The following OR51C1 variants were observed in gnomAD, a reference collection of about 807,000 sequenced individuals.
OR51C1 encodes the protein olfactory receptor OR51C1.
the OR51C1 span, among the ~76,000 whole-genome samples, chr11:4,693,098 A>G: frequency 6.6e-6 from 1 of 152,200 alleles, no homozygotes; most frequent in Non-Finnish European, 1.5e-5. Flanking sequence ...AAAAGAGAGA[A>G]TTTTAAATGT....
chr11:4,690,987 G>T, the OR51C1 span: 8 of 454,790 alleles, frequency 1.8e-5, no homozygotes, highest in South Asian at 1.1e-4. Context: ...TGTACTGAAG[G>T]TTTCCTTCCT....
At chr11:4,692,121 A>G in the OR51C1 span, 1 of 447,854 alleles carries the variant, frequency 2.2e-6, no homozygotes, top group African/African-American at 2.0e-5. Flanking sequence ...GGCACCAGAG[A>G]AAAATACACT....
the OR51C1 span, among the ~76,000 whole-genome samples, chr11:4,691,920 C>T: frequency 6.6e-6 from 1 of 152,094 alleles, no homozygotes; most frequent in East Asian, 1.9e-4. Flanking sequence ...CCTTAGTGTA[C>T]AATCTTTCTT....
chr11:4,693,440 G>C, the OR51C1 span, among the ~76,000 whole-genome samples: 6 of 152,180 alleles, frequency 3.9e-5, no homozygotes, highest in African/African-American at 1.4e-4. Context: ...GTGTTGAGCA[G>C]GCTGGGCGCG....
the OR51C1 span, among the ~76,000 whole-genome samples, chr11:4,695,403 A>G: frequency 6.6e-6 from 1 of 152,190 alleles, no homozygotes; most frequent in African/African-American, 2.4e-5. Context: ...AGATATTTCC[A>G]AACAATTCAT....
the OR51C1 span, among the ~76,000 whole-genome samples, chr11:4,692,836 C>T: frequency 1.5e-5 from 2 of 136,692 alleles, no homozygotes; most frequent in East Asian, 2.2e-4. Flanking sequence ...CAAGGATCAC[C>T]GGAAGAAGTC....
the OR51C1 span, chr11:4,691,230 A>G: frequency 2.2e-6 from 1 of 456,904 alleles, no homozygotes; most frequent in African/African-American, 2.0e-5. Context: ...CATTGGTGTC[A>G]GCATTAGGAG....
At chr11:4,692,269 G>A in the OR51C1 span, 39 of 356,476 alleles carry the variant, frequency 1.1e-4, no homozygotes, top group South Asian at 8.1e-4. Context: ...ACAAATAAAT[G>A]GCTTCAGCAT....
chr11:4,693,544 A>G, the OR51C1 span, among the ~76,000 whole-genome samples: 3 of 152,094 alleles, frequency 2.0e-5, no homozygotes, highest in African/African-American at 7.2e-5. Context: ...ACATGGTGAA[A>G]CCTCGTCTCT....
the OR51C1 span, chr11:4,691,261 C>T: frequency 2.2e-6 from 1 of 457,046 alleles, no homozygotes; most frequent in Non-Finnish European, 4.4e-6. Context: ...ACACTTGCCA[C>T]TCCAATTTGA....
the OR51C1 span, chr11:4,690,885 T>C: frequency 2.2e-6 from 1 of 456,598 alleles, no homozygotes; most frequent in South Asian, 1.5e-5. Flanking sequence ...AGTATGTACA[T>C]AGGCTGGGGC....
chr11:4,692,403 T>A, the OR51C1 span, among the ~76,000 whole-genome samples: 1 of 152,250 alleles, frequency 6.6e-6, no homozygotes, highest in Non-Finnish European at 1.5e-5. Context: ...TATAATGTGC[T>A]GCCACGTTCC....
the OR51C1 span, among the ~76,000 whole-genome samples, chr11:4,693,202 C>A: frequency 5.1e-4 from 77 of 152,268 alleles, no homozygotes; most frequent in African/African-American, 1.9e-3. Context: ...ATAACAACAT[C>A]ACATTTTACC....
At chr11:4,691,571 G>A in the OR51C1 span, 1 of 456,762 alleles carries the variant, frequency 2.2e-6, no homozygotes, top group African/African-American at 2.0e-5. Flanking sequence ...GGATCAGGCT[G>A]TTTCCCAAGA....
the OR51C1 span, chr11:4,691,696 T>C: frequency 1.6e-4 from 57 of 365,812 alleles, no homozygotes; most frequent in Middle Eastern, 1.1e-3. Context: ...TTCTGCAAAG[T>C]TGACGTGATG....
chr11:4,692,143 A>ACAG, the OR51C1 span: 1 of 452,392 alleles, frequency 2.2e-6, no homozygotes, highest in South Asian at 1.6e-5. Context: ...GGGCTGTGGA[A>ACAG]CAGCAATATT....
the OR51C1 span, among the ~76,000 whole-genome samples, chr11:4,693,455 C>T: frequency 2.6e-5 from 4 of 152,324 alleles, no homozygotes; most frequent in Middle Eastern, 3.4e-3. Context: ...GGCGCGGTGG[C>T]TCACGCCTGT....
chr11:4,691,319 G>A, the OR51C1 span: 1 of 457,440 alleles, frequency 2.2e-6, no homozygotes, highest in Non-Finnish European at 4.4e-6. Context: ...GGGGATTAGA[G>A]ACGGCCACAA....
the OR51C1 span, among the ~76,000 whole-genome samples, chr11:4,694,140 T>C: frequency 6.6e-6 from 1 of 152,192 alleles, no homozygotes; most frequent in Non-Finnish European, 1.5e-5. Context: ...CATCCTAACT[T>C]CTTCATATCT....
Sources: gnomAD v4.1 joint callset for allele counts (sites outside exome capture counted in the v4.1 genomes callset) on GRCh38, gnomAD v4.1.1 for gene constraint, MANE v1.5 for transcripts, NCBI Gene and HGNC (gene_info 2026-07-23, HGNC 2026-07-21) for gene names.